Variants in GPHN observed in about 807,000 individuals in gnomAD.
The protein encoded by GPHN is gephyrin.
GPHN carries 17 observed loss-of-function variants against 95.5 expected under a neutral mutation model. The observed-to-expected ratio is 0.18, with a 90% CI of 0.12 to 0.27. The LOEUF (loss-of-function observed/expected upper bound fraction) is 0.27. GPHN is among the 10% of genes least tolerant of loss of function. The pLI is 1.00. For synonymous variants in GPHN, 320 were observed against 322.5 expected, an observed-to-expected ratio of 0.99 and a Z score of 0.08; for missense variants, 660 against 978.1, an observed-to-expected ratio of 0.67 and a Z score of 4.34.
At chr14:67,170,088 A>G (rs2082511909) in intron 21 of GPHN, among the ~76,000 whole-genome samples, 1 of 152,328 alleles carries the variant, frequency 6.6e-6, no homozygotes, top group South Asian at 2.1e-4. Context: ...CAAAATAAAA[A>G]TAAAAAGATA....
chr14:67,392,038 C>T, the GPHN span, among the ~76,000 whole-genome samples: 2 of 152,182 alleles, frequency 1.3e-5, no homozygotes, highest in Admixed American at 6.5e-5. Flanking sequence ...ATATGTGAAG[C>T]TGGGCAATTG....
intron 2 of GPHN, among the ~76,000 whole-genome samples, chr14:66,753,491 T>TATAAAGTTTCTA (rs1357203744): frequency 6.8e-6 from 1 of 146,460 alleles, no homozygotes; most frequent in Non-Finnish European, 1.5e-5. Flanking sequence ...AGCTAACTGA[T>TATAAAGTTTCTA]ATAAAGTTTC....
intron 9 of GPHN, among the ~76,000 whole-genome samples, chr14:66,999,406 A>T (rs968464438): frequency 6.6e-6 from 1 of 151,962 alleles, no homozygotes; most frequent in African/African-American, 2.4e-5. Flanking sequence ...AATTCAAGAA[A>T]ATGTTAGACA....
At chr14:66,779,166 A>G (rs1286668160) in intron 3 of GPHN, among the ~76,000 whole-genome samples, 1 of 152,210 alleles carries the variant, frequency 6.6e-6, no homozygotes, top group African/African-American at 2.4e-5. Context: ...GTTCTAATGT[A>G]TGGTCAACAT....
chr14:67,172,866 G>T (rs968991037), intron 21 of GPHN, among the ~76,000 whole-genome samples: 2 of 152,142 alleles, frequency 1.3e-5, no homozygotes, highest in South Asian at 2.1e-4. Flanking sequence ...CCAGCACAGG[G>T]TCTGCAGTCA....
chr14:66,918,336 T>C (rs1172643455), intron 6 of GPHN, among the ~76,000 whole-genome samples: 1 of 152,164 alleles, frequency 6.6e-6, no homozygotes, highest in Non-Finnish European at 1.5e-5. Flanking sequence ...TTATTGGGAC[T>C]CAAACACTTA....
Position 66,762,156 on chromosome 14 carries a change from CAA to C in GPHN, c.144-14307_144-14306del, listed in dbSNP as rs201407912. On this transcript the variant is annotated intron_variant, in intron 2 of 22. Coordinates refer to ENST00000478722, the MANE Select transcript of GPHN (RefSeq NM_020806.5). ...AAAGGTTAAAAAAAAAAAAGAATTA[CAA>C]TGGAATTTTACTAGTGTTCATTAAA... Among the ~76,000 whole-genome samples, 1,377 of 149,844 alleles carry C rather than the reference CAA, an allele frequency of 9.2e-3. 24 individuals carry two copies. Among genetic ancestry groups the C allele is most frequent in the African/African-American group, 0.032 (1,301 of 40,562 alleles).
intron 1 of GPHN, among the ~76,000 whole-genome samples, chr14:66,545,744 C>T (rs1470314039): frequency 8.4e-5 from 12 of 143,640 alleles, no homozygotes; most frequent in African/African-American, 3.2e-4. Flanking sequence ...GGCTGACCCC[C>T]CCACCTCCCT....
chr14:67,303,915 A>C, the GPHN span: 1 of 248,904 alleles, frequency 4.0e-6, no homozygotes, highest in Non-Finnish European at 7.8e-6. Flanking sequence ...TTCCAGGCGC[A>C]TGCCACCACA....
chr14:66,540,035 T>G (rs2059297968), intron 1 of GPHN, among the ~76,000 whole-genome samples: 1 of 152,258 alleles, frequency 6.6e-6, no homozygotes, highest in African/African-American at 2.4e-5. Flanking sequence ...CAATGTATTG[T>G]GTACTTCTGC....
chr14:66,972,855 A>C (rs2069911209), intron 9 of GPHN, among the ~76,000 whole-genome samples: 1 of 152,182 alleles, frequency 6.6e-6, no homozygotes, highest in African/African-American at 2.4e-5. Context: ...TGAATAGAAC[A>C]GTGATTGTTC....
intron 1 of GPHN, among the ~76,000 whole-genome samples, chr14:66,556,702 A>G (rs1566598021): frequency 6.6e-6 from 1 of 152,024 alleles, no homozygotes. Flanking sequence ...TAGTTTTAAA[A>G]ATATGTTTAT....
intron 10 of GPHN, among the ~76,000 whole-genome samples, chr14:67,028,563 T>C (rs971902548): frequency 4.6e-5 from 7 of 152,194 alleles, no homozygotes; most frequent in Non-Finnish European, 1.0e-4. Context: ...CCATTCTAAC[T>C]GGAGCCGGAT....
At chr14:66,615,115 T>C (rs2062950098) in intron 1 of GPHN, among the ~76,000 whole-genome samples, 1 of 152,192 alleles carries the variant, frequency 6.6e-6, no homozygotes, top group Admixed American at 6.5e-5. Context: ...CAGTCTATCA[T>C]TGGCATTTGG....
the GPHN span, among the ~76,000 whole-genome samples, chr14:67,424,564 A>ACT: frequency 6.8e-6 from 1 of 147,622 alleles, no homozygotes; most frequent in Non-Finnish European, 1.5e-5. Flanking sequence ...GTGCCACTGC[A>ACT]CTCCAGGTTG....
At chr14:67,139,129 A>T (rs939301385) in intron 17 of GPHN, among the ~76,000 whole-genome samples, 1 of 151,606 alleles carries the variant, frequency 6.6e-6, no homozygotes, top group East Asian at 1.9e-4. Flanking sequence ...AGGCTGAGAC[A>T]GGAGAGTTGC....
chr14:67,725,102 C>G, the GPHN span: 1 of 1,614,156 alleles, frequency 6.2e-7, no homozygotes, highest in Non-Finnish European at 8.5e-7. Flanking sequence ...GACCCAGGAG[C>G]CCGAGTCTAT....
intron 2 of GPHN, among the ~76,000 whole-genome samples, chr14:66,759,489 A>G (rs757446838): frequency 3.3e-5 from 5 of 152,240 alleles, no homozygotes; most frequent in African/African-American, 7.2e-5. Flanking sequence ...CAATATTACC[A>G]TAAGTTAAAC....
chr14:66,824,367 A>G, intron 3 of GPHN, 107 bp from the exon 4 acceptor site: 2 of 661,206 alleles, frequency 3.0e-6, no homozygotes, highest in South Asian at 3.5e-5. Flanking sequence ...CTGACTGTTG[A>G]AAAGAATCTG....
Sources: gnomAD v4.1 joint callset for allele counts (sites outside exome capture counted in the v4.1 genomes callset) on GRCh38, gnomAD v4.1.1 for gene constraint, MANE v1.5 for transcripts, NCBI Gene and HGNC (gene_info 2026-07-23, HGNC 2026-07-21) for gene names.